The following FHAD1 variants were observed in gnomAD, a reference collection of about 807,000 sequenced individuals.
FHAD1 encodes the protein forkhead associated phosphopeptide binding domain 1, also known as forkhead-associated domain-containing protein 1.
FHAD1 carries 146 observed loss-of-function variants against 191.3 expected under a neutral mutation model. The observed-to-expected ratio is 0.76, with a 90% CI of 0.67 to 0.88. The LOEUF (loss-of-function observed/expected upper bound fraction) is 0.88, where lower values mean the gene tolerates loss of function less well. FHAD1 is among the 40% of genes least tolerant of loss of function. FHAD1 has a pLI of 0.00. For synonymous variants in FHAD1, 616 were observed against 672.3 expected (o/e 0.92, Z 1.29); for missense variants, 1,635 against 1,785.8 (o/e 0.92, Z 1.52).
chr1:15,323,686 A>G (rs1015523971), intron 10 of FHAD1, among the ~76,000 whole-genome samples: 4 of 152,318 alleles, frequency 2.6e-5, no homozygotes, highest in Middle Eastern at 3.4e-3. Flanking sequence ...TGGTTCAGAC[A>G]TGAACTGAGC....
At chr1:15,347,813 G>A (rs999597204) in intron 18 of FHAD1, among the ~76,000 whole-genome samples, 1 of 152,220 alleles carries the variant, frequency 6.6e-6, no homozygotes, top group African/African-American at 2.4e-5. Context: ...AGAATCACTA[G>A]GTCATAATCT....
chr1:15,396,966 C>T (rs994170938), intron 33 of FHAD1, among the ~76,000 whole-genome samples: 2 of 148,922 alleles, frequency 1.3e-5, no homozygotes, highest in South Asian at 2.1e-4. Flanking sequence ...GGGCGGATCA[C>T]GAGGTCAGGA....
chr1:15,366,284 C>CAAAAA (rs35252287), intron 24 of FHAD1, among the ~76,000 whole-genome samples: 674 of 44,212 alleles, frequency 0.015, 34 homozygotes, highest in African/African-American at 0.042. Context: ...GACTCTGTCT[C>CAAAAA]AAAAAAAAAA....
chr1:15,380,940 G>C (rs1700758522), intron 29 of FHAD1, 144 bp downstream of exon 29: 3 of 660,152 alleles, frequency 4.5e-6, no homozygotes, highest in Non-Finnish European at 7.7e-6. Flanking sequence ...TACTATCCCA[G>C]CATGGGTCAG....
intron 3 of FHAD1, among the ~76,000 whole-genome samples, chr1:15,286,193 G>A (rs1481564982): frequency 6.6e-6 from 1 of 152,164 alleles, no homozygotes; most frequent in Non-Finnish European, 1.5e-5. Flanking sequence ...ATTTTGTTAT[G>A]TATTTTTTTA....
intron 3 of FHAD1, among the ~76,000 whole-genome samples, chr1:15,279,647 T>G (rs956843521): frequency 6.0e-5 from 9 of 151,204 alleles, no homozygotes; most frequent in African/African-American, 1.9e-4. Context: ...AGGTGGCCAC[T>G]GGCAACCCCA....
chr1:15,238,250 GAAAAAAAA>G (rs35058576), intron 1 of FHAD1, among the ~76,000 whole-genome samples: 4,174 of 96,926 alleles, frequency 0.043, 234 homozygotes, highest in African/African-American at 0.16. Context: ...CCATCTCAAG[GAAAAAAAA>G]AAAAAAAAAA....
intron 14 of FHAD1, among the ~76,000 whole-genome samples, chr1:15,336,978 T>C (rs1684424538): frequency 6.6e-6 from 1 of 152,222 alleles, no homozygotes; most frequent in African/African-American, 2.4e-5. Context: ...CCCATCTCCT[T>C]TCTCATGAAG....
At chr1:15,352,783 T>C (rs1358661203) in intron 19 of FHAD1, 94 bp from the exon 20 acceptor site, 3 of 872,414 alleles carry the variant, frequency 3.4e-6, no homozygotes, top group Non-Finnish European at 5.5e-6. Flanking sequence ...AACCCTGACT[T>C]GGTGGCTTCC....
At chr1:15,247,511 C>G (rs1573595146) in intron 1 of FHAD1, 116 bp downstream of exon 1, 1 of 162,768 alleles carries the variant, frequency 6.1e-6, no homozygotes, top group East Asian at 1.9e-4. Flanking sequence ...CCTCCTGGAT[C>G]CAGGCTCCGG....
intron 19 of FHAD1, 101 bp from the exon 20 acceptor site, chr1:15,352,776 C>T (rs1230132997): frequency 2.4e-6 from 2 of 829,108 alleles, no homozygotes; most frequent in Admixed American, 4.6e-5. Context: ...TCTCTCCAAC[C>T]CTGACTTGGT....
chr1:15,265,970 C>CAAAA (rs531702447), intron 2 of FHAD1, among the ~76,000 whole-genome samples: 2,622 of 78,500 alleles, frequency 0.033, 344 homozygotes, highest in African/African-American at 0.12. Flanking sequence ...GACTCCATCT[C>CAAAA]AAAAAAAAAA....
intron 31 of FHAD1, chr1:15,383,900 C>T (rs1162599803): frequency 2.3e-6 from 1 of 443,864 alleles, no homozygotes; most frequent in Admixed American, 2.4e-5. Context: ...TCCCTCTGAC[C>T]CTGGTTCTCC....
intron 28 of FHAD1, among the ~76,000 whole-genome samples, chr1:15,376,077 ATTTTTTTATTTATTTT>A (rs557951385): frequency 0.04 from 4,831 of 119,996 alleles, 99 homozygotes; most frequent in East Asian, 0.098. Flanking sequence ...TTATTTATTT[ATTTTTTTATTTATTTT>A]TTTATTTATT....
At chr1:15,236,887 G>A (rs1459548868) in intron 1 of FHAD1, among the ~76,000 whole-genome samples, 1 of 152,202 alleles carries the variant, frequency 6.6e-6, no homozygotes, top group Non-Finnish European at 1.5e-5. Flanking sequence ...TCGTGGAAGG[G>A]ACCCAGTGGG....
intron 4 of FHAD1, among the ~76,000 whole-genome samples, chr1:15,293,736 A>G (rs1449931706): frequency 6.6e-6 from 1 of 152,118 alleles, no homozygotes; most frequent in East Asian, 1.9e-4. Flanking sequence ...CAACAAACAA[A>G]AAAACAAAAA....
chr1:15,380,649 G>A, intron 28 of FHAD1, 52 bp from the exon 29 acceptor site: 2 of 1,424,662 alleles, frequency 1.4e-6, no homozygotes, highest in Non-Finnish European at 1.9e-6. Context: ...TCCAGTCATA[G>A]AAAGTCATAA....
chr1:15,345,624 C>A (rs369121627), intron 18 of FHAD1, 101 bp downstream of exon 18: 6 of 961,636 alleles, frequency 6.2e-6, no homozygotes, highest in African/African-American at 4.9e-5. Flanking sequence ...CGTGGTGGAG[C>A]CTTCCTCGTG....
intron 23 of FHAD1, among the ~76,000 whole-genome samples, chr1:15,363,330 G>A (rs571831788): frequency 1.3e-5 from 2 of 152,088 alleles, no homozygotes; most frequent in Non-Finnish European, 1.5e-5. Context: ...TTGTACCTTC[G>A]TGACCCAATC....
Sources: gnomAD v4.1 joint callset for allele counts (sites outside exome capture counted in the v4.1 genomes callset) on GRCh38, gnomAD v4.1.1 for gene constraint, MANE v1.5 for transcripts, NCBI Gene and HGNC (gene_info 2026-07-23, HGNC 2026-07-21) for gene names.